Variants in ENOX1 observed in about 807,000 individuals in gnomAD.
ENOX1 encodes the protein candidate growth-related and time keeping constitutive hydroquinone (NADH) oxidase.
In ENOX1, 42 loss-of-function variants were observed where a neutral mutation model predicts 82.5. The ratio of observed to expected loss-of-function variants is 0.51; its 90% CI spans 0.40 to 0.66. The LOEUF is 0.66. Ranked by LOEUF, ENOX1 falls within the 30% of genes least tolerant of loss-of-function variation. The pLI, the probability that ENOX1 is intolerant of heterozygous loss-of-function variation, is 0.00. For synonymous variants in ENOX1, 271 were observed against 282.2 expected (o/e 0.96, Z 0.40); for missense variants, 608 against 811.6 (o/e 0.75, Z 3.05).
At chr13:43,712,414 T>C (rs2087790302) in intron 1 of ENOX1, among the ~76,000 whole-genome samples, 1 of 152,288 alleles carries the variant, frequency 6.6e-6, no homozygotes, top group South Asian at 2.1e-4. Flanking sequence ...GGCTCTTTTT[T>C]GGTTCCATAT....
At position 43,423,806 on chromosome 13, in the gene ENOX1, A is replaced by G. The variant is rs142214112; in HGVS notation, c.-74-10818T>C. On this transcript the variant is annotated intron_variant, in intron 3 of 16. Coordinates refer to ENST00000690772, the MANE Select transcript of ENOX1 (RefSeq NM_001347969.2). Reference sequence around the variant, plus strand: ...ATGAAAGTAACTAAGGACATATCAGATAATTCTTGCCTCCCCCTGGTCAAA... The same window carrying G: ...ATGAAAGTAACTAAGGACATATCAGGTAATTCTTGCCTCCCCCTGGTCAAA... Among the ~76,000 whole-genome samples the G allele has an allele frequency of 7.1e-3, 1,076 of 152,318 alleles. 12 individuals carry two copies. Among genetic ancestry groups the G allele is most frequent in the African/African-American group, 0.024 (1,006 of 41,544 alleles).
At chr13:43,630,569 A>G (rs1488195934) in intron 2 of ENOX1, among the ~76,000 whole-genome samples, 1 of 152,094 alleles carries the variant, frequency 6.6e-6, no homozygotes, top group Non-Finnish European at 1.5e-5. Flanking sequence ...ACAAAGAAAC[A>G]TATACACATG....
intron 1 of ENOX1, among the ~76,000 whole-genome samples, chr13:43,757,672 G>A (rs1002725203): frequency 1.3e-5 from 2 of 152,192 alleles, no homozygotes; most frequent in South Asian, 4.1e-4. Flanking sequence ...CCAAATGTTG[G>A]TCAGGATGCA....
intron 3 of ENOX1, among the ~76,000 whole-genome samples, chr13:43,425,637 G>A (rs1566188752): frequency 6.6e-6 from 1 of 152,182 alleles, no homozygotes; most frequent in Non-Finnish European, 1.5e-5. Context: ...CTAGGGCTGT[G>A]TTCTCAACTA....
chr13:43,423,665 T>G (rs2055111567), intron 3 of ENOX1, among the ~76,000 whole-genome samples: 1 of 152,178 alleles, frequency 6.6e-6, no homozygotes, highest in South Asian at 2.1e-4. Flanking sequence ...TAAATCTAAA[T>G]TCTGTCCTCA....
intron 1 of ENOX1, among the ~76,000 whole-genome samples, chr13:43,784,957 T>C (rs865845142): frequency 1.9e-4 from 29 of 152,236 alleles, no homozygotes; most frequent in Admixed American, 7.2e-4. Context: ...CATATATTTC[T>C]TCAAAGGCTC....
intron 5 of ENOX1, among the ~76,000 whole-genome samples, chr13:43,373,219 T>C (rs2051363308): frequency 6.8e-6 from 1 of 147,046 alleles, no homozygotes; most frequent in African/African-American, 2.5e-5. Flanking sequence ...AGTTCATGTT[T>C]TATTATCTGT....
intron 3 of ENOX1, among the ~76,000 whole-genome samples, chr13:43,470,239 TATATATATACATATATATATAC>T (rs1349556601): frequency 1.3e-4 from 8 of 63,652 alleles, no homozygotes; most frequent in Admixed American, 1.0e-3. Context: ...TGTGTGTGTG[TATATATATACATATATATATAC>T]ATATATATAC....
At chr13:43,473,797 A>G (rs1468061240) in intron 3 of ENOX1, among the ~76,000 whole-genome samples, 1 of 151,974 alleles carries the variant, frequency 6.6e-6, no homozygotes, top group African/African-American at 2.4e-5. Flanking sequence ...GGATGTCTGT[A>G]CTCTGTAACC....
At chr13:43,656,101 C>T (rs142127769) in intron 2 of ENOX1, among the ~76,000 whole-genome samples, 90 of 152,268 alleles carry the variant, frequency 5.9e-4, no homozygotes, top group African/African-American at 2.0e-3. Flanking sequence ...ATAAACTTAT[C>T]CAGCAAGTTT....
intron 1 of ENOX1, among the ~76,000 whole-genome samples, chr13:43,694,614 T>C (rs1303595474): frequency 1.3e-5 from 2 of 152,198 alleles, no homozygotes; most frequent in Non-Finnish European, 2.9e-5. Context: ...TATATTCCCT[T>C]GAGTGATACT....
intron 1 of ENOX1, among the ~76,000 whole-genome samples, chr13:43,780,011 A>G (rs1952167530): frequency 6.6e-6 from 1 of 152,048 alleles, no homozygotes; most frequent in Non-Finnish European, 1.5e-5. Context: ...AATACAAAAA[A>G]TTAGCTGGGC....
intron 5 of ENOX1, among the ~76,000 whole-genome samples, chr13:43,368,201 C>T (rs938420425): frequency 7.2e-5 from 11 of 152,122 alleles, no homozygotes; most frequent in Non-Finnish European, 1.5e-5. Flanking sequence ...GTTCCTGGTG[C>T]CTGCCGTGCA....
intron 2 of ENOX1, among the ~76,000 whole-genome samples, chr13:43,639,964 T>C (rs2083567782): frequency 1.3e-5 from 2 of 152,120 alleles, no homozygotes; most frequent in South Asian, 4.1e-4. Context: ...AGGAGGTAGA[T>C]GTTGCAATGA....
chr13:43,552,155 C>T (rs2079225099), intron 2 of ENOX1, among the ~76,000 whole-genome samples: 1 of 152,182 alleles, frequency 6.6e-6, no homozygotes, highest in South Asian at 2.1e-4. Flanking sequence ...GAAAATAAAA[C>T]ACCGAAGTAT....
intron 3 of ENOX1, chr13:43,458,977 C>A (rs978015038): frequency 2.0e-5 from 3 of 152,132 alleles, no homozygotes; most frequent in Admixed American, 6.5e-5. Context: ...AGTTGCTCTG[C>A]GACTTCCCAC....
At chr13:43,318,542 C>T (rs1319104739) in intron 11 of ENOX1, among the ~76,000 whole-genome samples, 2 of 152,190 alleles carry the variant, frequency 1.3e-5, no homozygotes, top group South Asian at 2.1e-4. Flanking sequence ...AAGTTCTGAA[C>T]ATTTTGTTTG....
At position 43,667,429 on chromosome 13, in the gene ENOX1, G is replaced by A. The variant is rs1014184887; in HGVS notation, c.-219+50C>T. ...AATTAAACTACATCCCTTCCCATAT[G>A]GTGACAACCAACCTGCTTGTTATTT... On this transcript the variant is annotated intron_variant, in intron 2 of 16. Coordinates refer to ENST00000690772, the MANE Select transcript of ENOX1 (RefSeq NM_001347969.2). 21 of 982,320 alleles carry A rather than the reference G, an allele frequency of 2.1e-5. No homozygotes were observed. In the Admixed American group the frequency reaches 3.7e-4, roughly 17 times the overall value. 60.9% of individuals were successfully genotyped at this position (982,320 alleles called of 1,614,324 possible). A position where few individuals can be genotyped will look rare whatever the true frequency, so the allele number is the denominator to read the frequency against.
rs377655132 is a variant in ENOX1, at chr13:43,423,616, G to A, written c.-74-10628C>T. On this transcript the variant is annotated intron_variant, in intron 3 of 16. Transcript: ENST00000690772. ...TGCCAGATAGTCCTAAGAGTTCACC[G>A]TTCTCTCTCCTGAGCACCTATCTGA... Among the ~76,000 whole-genome samples, 9 of 152,286 alleles carry A rather than the reference G, an allele frequency of 5.9e-5. No individual in the cohort carries two copies. The East Asian group carries it at 1.2e-3, about 20-fold the overall frequency.
Sources: allele counts gnomAD v4.1 joint callset (sites outside exome capture counted in the v4.1 genomes callset), GRCh38; gene constraint gnomAD v4.1.1; transcripts MANE v1.5; gene names NCBI Gene and HGNC (gene_info 2026-07-23, HGNC 2026-07-21).